The following LHFPL5 variants were observed in gnomAD, a reference collection of about 807,000 sequenced individuals.
LHFPL5 encodes the protein LHFPL tetraspan subfamily member 5.
LHFPL5 carries 12 observed loss-of-function variants against 18.7 expected under a neutral mutation model. That is an observed-to-expected ratio of 0.64 (90% CI 0.41 to 1.04). The LOEUF (loss-of-function observed/expected upper bound fraction) is 1.04, where lower values mean the gene tolerates loss of function less well. LHFPL5 is among the 50% of genes least tolerant of loss of function. The pLI is 0.00. For missense variants in LHFPL5, 259 were observed against 292.1 expected, an observed-to-expected ratio of 0.89 and a Z score of 0.83; for synonymous variants, 111 against 120.2, an observed-to-expected ratio of 0.92 and a Z score of 0.50.
intron 2 of LHFPL5, among the ~76,000 whole-genome samples, chr6:35,815,609 T>C (rs1768745399): frequency 6.6e-6 from 1 of 152,106 alleles, no homozygotes; most frequent in Non-Finnish European, 1.5e-5. Flanking sequence ...CAGTCTCTTT[T>C]CCCCATAGCT....
At chr6:35,806,657 T>G (rs559325710) in intron 1 of LHFPL5, among the ~76,000 whole-genome samples, 1 of 152,328 alleles carries the variant, frequency 6.6e-6, no homozygotes, top group South Asian at 2.1e-4. Flanking sequence ...AGTGTTACTA[T>G]TATGCAGGGT....
chr6:35,818,851 C>T (rs1768816979), intron 2 of LHFPL5, among the ~76,000 whole-genome samples: 1 of 149,828 alleles, frequency 6.7e-6, no homozygotes, highest in South Asian at 2.1e-4. Flanking sequence ...TCCTTTGAGA[C>T]AAAGTCTTGC....
chr6:35,818,351 A>T (rs9470109), intron 2 of LHFPL5, among the ~76,000 whole-genome samples: 3,584 of 106,812 alleles, frequency 0.034, 246 homozygotes, highest in African/African-American at 0.085. Context: ...ATATATATGT[A>T]TTTTTTTTTT....
chr6:35,810,261 T>C (rs1359151869), intron 1 of LHFPL5, among the ~76,000 whole-genome samples: 3 of 152,020 alleles, frequency 2.0e-5, no homozygotes, highest in Non-Finnish European at 4.4e-5. Flanking sequence ...ACACTGGAGG[T>C]TAGGATTTCA....
intron 1 of LHFPL5, among the ~76,000 whole-genome samples, chr6:35,813,246 T>C (rs1459909053): frequency 7.4e-6 from 1 of 134,876 alleles, no homozygotes; most frequent in East Asian, 2.2e-4. Flanking sequence ...AGCATTTTTT[T>C]TTTTTTTTTT....
chr6:35,810,141 GC>G (rs1359075983), intron 1 of LHFPL5, among the ~76,000 whole-genome samples: 3 of 152,108 alleles, frequency 2.0e-5, no homozygotes, highest in African/African-American at 7.2e-5. Flanking sequence ...ACCTTTAGCT[GC>G]CCCCGCTCCC....
chr6:35,812,650 T>A (rs187616614), intron 1 of LHFPL5, among the ~76,000 whole-genome samples: 1 of 152,274 alleles, frequency 6.6e-6, no homozygotes, highest in East Asian at 1.9e-4. Flanking sequence ...TGCCAGGCAC[T>A]GTTCTACACT....
At chr6:35,810,576 G>A (rs1581969931) in intron 1 of LHFPL5, among the ~76,000 whole-genome samples, 1 of 152,138 alleles carries the variant, frequency 6.6e-6, no homozygotes. Context: ...AATTAGACAG[G>A]TGACATAATC....
Position 35,814,682 on chromosome 6 carries a change from C to T in LHFPL5, c.549C>T (p.Ile183=). 1.9e-6 allele frequency: 3 copies of T among 1,614,174 alleles called. No individual in the cohort carries two copies. The highest frequency in any genetic ancestry group is 4.5e-5 in the East Asian group (2 of 44,874). The change falls in exon 2 of 4, where the codon ATC becomes ATT. Residue 183 remains isoleucine, a synonymous_variant. Transcript: ENST00000360215. The surrounding 1 kb of genome is among the most constrained non-coding windows in gnomAD (Gnocchi z 4.2). ...CTIRWAFMLA[I]LSIGDALILS... ...TCCGCTGGGCCTTCATGCTGGCCAT[C>T]CTCAGCATTGGCGACGCCCTCATCC... is the stretch of plus-strand genomic sequence containing the variant.
In LHFPL5 at chr6:35,814,781, C is replaced by A; in HGVS notation, c.648C>A (p.Thr216=). The A allele has an allele frequency of 6.2e-7, 1 of 1,612,890 alleles. No homozygotes were observed. The highest frequency in any genetic ancestry group is 8.5e-7 in the Non-Finnish European group (1 of 1,178,932). ...LLPDDYKADG[T]EEV is the part of the protein sequence containing the mutation. ...CTGACGACTACAAGGCAGATGGAAC[C>A]GGTAATCACCCAACTCCACAATGGT... The change falls in exon 2 of 4, where the codon ACC becomes ACA. Residue 216 remains threonine (T), a splice_region_variant and synonymous_variant. Coordinates refer to ENST00000360215, the MANE Select transcript of LHFPL5 (RefSeq NM_182548.4). This position sits in a 1 kb window ranked among gnomAD's most constrained non-coding sequence, Gnocchi z 4.2.
intron 1 of LHFPL5, among the ~76,000 whole-genome samples, chr6:35,809,440 A>C (rs1172702517): frequency 1.3e-5 from 2 of 152,264 alleles, no homozygotes; most frequent in Non-Finnish European, 2.9e-5. Flanking sequence ...ATGTCCTCAC[A>C]TGGTGAAAAG....
chr6:35,823,867 T>G lies in LHFPL5; in HGVS notation c.*902T>G, dbSNP rs1581978320. ...TATAGGAATAGATGACATTTTTTTT[T>G]TTCAAAAACTTTGGATTTGGCATAT... On this transcript the variant is annotated 3_prime_UTR_variant, in exon 4 of 4. Transcript: ENST00000360215. 6.6e-6 allele frequency: 1 copy of G among 152,296 alleles called. No homozygotes were observed. Among genetic ancestry groups the G allele is most frequent in the Non-Finnish European group, 1.5e-5 (1 of 68,020 alleles). The allele number at this position is 152,296 out of a possible 1,614,324, so 9.4% of individuals were successfully genotyped here.
In LHFPL5 at chr6:35,823,337, G is replaced by A. The variant is rs1482921045; in HGVS notation, c.*372G>A. ...GAGGGCTAAATGGGTCCATCTCTAGGGGCCTTCCCTCCCAGGTCTGTGTCT... is the reference window on the plus strand; with the variant it reads ...GAGGGCTAAATGGGTCCATCTCTAGAGGCCTTCCCTCCCAGGTCTGTGTCT... On this transcript the variant is annotated 3_prime_UTR_variant, in exon 4 of 4. Transcript: ENST00000360215. 6.6e-6 allele frequency: 1 copy of A among 150,554 alleles called. No homozygotes were observed. The highest frequency in any genetic ancestry group is 1.5e-5 in the Non-Finnish European group (1 of 67,936). The allele number at this position is 150,554 out of a possible 1,614,324, so 9.3% of individuals were successfully genotyped here. A position where few individuals can be genotyped will look rare whatever the true frequency, so the allele number is the denominator to read the frequency against.
intron 2 of LHFPL5, among the ~76,000 whole-genome samples, chr6:35,816,502 A>C (rs1423329986): frequency 6.6e-6 from 1 of 152,170 alleles, no homozygotes. Context: ...TGAGGATTCT[A>C]TAAAGGGAAG....
chr6:35,806,706 C>T (rs1015736663), intron 1 of LHFPL5, among the ~76,000 whole-genome samples: 1 of 152,200 alleles, frequency 6.6e-6, no homozygotes, highest in South Asian at 2.1e-4. Context: ...AAATTCCCCT[C>T]TTTCATTGTG....
chr6:35,818,346 TATG>T (rs1768803447), intron 2 of LHFPL5, among the ~76,000 whole-genome samples: 4 of 6,136 alleles, frequency 6.5e-4, no homozygotes, highest in African/African-American at 1.0e-3. Context: ...TATATATATA[TATG>T]TATTTTTTTT....
At chr6:35,807,597 G>T (rs1221404253) in intron 1 of LHFPL5, among the ~76,000 whole-genome samples, 1 of 152,152 alleles carries the variant, frequency 6.6e-6, no homozygotes, top group Non-Finnish European at 1.5e-5. Context: ...TTAAGAGGGA[G>T]ACTGAAACAG....
chr6:35,820,344 C>A (rs1342790828), intron 3 of LHFPL5, among the ~76,000 whole-genome samples: 1 of 152,116 alleles, frequency 6.6e-6, no homozygotes, highest in Non-Finnish European at 1.5e-5. Context: ...ATTCATTTAT[C>A]TTTTAAGTTT....
intron 3 of LHFPL5, among the ~76,000 whole-genome samples, chr6:35,821,072 G>A (rs1035265592): frequency 2.0e-5 from 3 of 152,174 alleles, no homozygotes; most frequent in Non-Finnish European, 4.4e-5. Flanking sequence ...GGGAGACTGA[G>A]GCAGGCAGAT....
Sources: gnomAD v4.1 joint callset for allele counts (sites outside exome capture counted in the v4.1 genomes callset) on GRCh38, gnomAD v4.1.1 for gene constraint, Gnocchi (gnomAD v3.1) non-coding constraint, MANE v1.5 for transcripts, NCBI Gene and HGNC (gene_info 2026-07-23, HGNC 2026-07-21) for gene names.